COL4A3: variants seen among roughly 807,000 people sequenced by gnomAD.
COL4A3 encodes collagen type IV alpha 3 chain, also known as collagen alpha-3(IV) chain.
Under a neutral mutation model 217.4 loss-of-function variants are expected in COL4A3, and 135 were observed. The observed-to-expected ratio is 0.62, with a 90% CI of 0.54 to 0.72. COL4A3 has a LOEUF of 0.72. COL4A3 is among the 30% of genes least tolerant of loss of function. The pLI, the probability that COL4A3 is intolerant of heterozygous loss-of-function variation, is 0.00. For missense variants in COL4A3, 1,868 were observed against 2,119.9 expected (o/e 0.88, Z 2.33); for synonymous variants, 690 against 736.3 (o/e 0.94, Z 1.02).
chr2:227,254,086 A>G (rs1308602738), intron 13 of COL4A3, 26 bp from the exon 14 acceptor site: 1 of 1,605,374 alleles, frequency 6.2e-7, no homozygotes, highest in Middle Eastern at 1.7e-4. Context: ...TCCATTTGTA[A>G]CAATGTTGAA....
rs921905047 is a variant in COL4A3, at chr2:227,164,737, G to A, written c.11G>A (p.Arg4Gln). MSARTAPRPQVLLL... is the reference protein window; with the variant it reads MSAQTAPRPQVLLL... Reference sequence around the variant, plus strand: ...GAGCGCGCGCCCACCATGAGCGCCCGGACCGCCCCCAGGCCGCAGGTGCTC... The same window carrying A: ...GAGCGCGCGCCCACCATGAGCGCCCAGACCGCCCCCAGGCCGCAGGTGCTC... The change falls in exon 1 of 52, where the codon CGG becomes CAG. Residue 4 changes from arginine to glutamine, a missense_variant. By Grantham distance (43) the Arg-to-Gln change is conservative. Coordinates refer to ENST00000396578, the MANE Select transcript of COL4A3 (RefSeq NM_000091.5). The surrounding 1 kb of genome is among the most constrained non-coding windows in gnomAD (Gnocchi z 4.8). 1.5e-4 allele frequency: 222 copies of A among 1,529,812 alleles called. No individual in the cohort carries two copies. Among genetic ancestry groups the A allele is most frequent in the Non-Finnish European group, 1.8e-4 (201 of 1,145,026 alleles). 94.8% of individuals were successfully genotyped at this position (1,529,812 alleles called of 1,614,324 possible).
chr2:227,235,892 G>A (rs2068667624), intron 1 of COL4A3, among the ~76,000 whole-genome samples: 1 of 149,986 alleles, frequency 6.7e-6, no homozygotes, highest in Non-Finnish European at 1.5e-5. Context: ...ACCTGCCTCA[G>A]CTTCCCGAGT....
Position 227,279,908 on chromosome 2 carries a change from C to T in COL4A3, c.2223+18C>T. 1 of 1,576,854 alleles carries T rather than the reference C, an allele frequency of 6.3e-7. No homozygotes were observed. The highest frequency in any genetic ancestry group is 8.7e-7 in the Non-Finnish European group (1 of 1,155,484). ...GAGCCAAGGTATGCAAAAATTCAAG[C>T]TATCACAGAAGAGAGGGTGGGTGAC... On this transcript the variant is annotated intron_variant, in intron 29 of 51. Coordinates refer to ENST00000396578, the MANE Select transcript of COL4A3 (RefSeq NM_000091.5).
Position 227,259,882 on chromosome 2 carries a change from G to C in COL4A3, c.1114+5G>C, listed in dbSNP as rs1469092382. The C allele has an allele frequency of 6.2e-7, 1 of 1,608,060 alleles. No homozygotes were observed. Among genetic ancestry groups the C allele is most frequent in the South Asian group, 1.1e-5 (1 of 90,964 alleles). The stretch of plus-strand genomic sequence containing the variant: ...GAGGAGCTCGTGGCCCACAAGGTAA[G>C]AATAAATTTCTTCCTAAAGCATTTG... On this transcript the variant is annotated splice_donor_5th_base_variant and intron_variant, in intron 19 of 51. Transcript: ENST00000396578.
At chr2:227,229,383 G>C (rs1348426844) in intron 1 of COL4A3, among the ~76,000 whole-genome samples, 2 of 152,224 alleles carry the variant, frequency 1.3e-5, no homozygotes, top group Non-Finnish European at 2.9e-5. Flanking sequence ...AATATAGTCA[G>C]TGTACTCTAA....
In COL4A3 at chr2:227,297,853, A is replaced by C. The variant is rs1574823646; in HGVS notation, c.3745A>C (p.Ser1249Arg). The change falls in exon 42 of 52, where the codon AGC becomes CGC. Residue 1249 changes from serine (S) to arginine (R), a missense_variant. Physicochemically the swap from Ser to Arg is moderately radical, Grantham distance 110. Transcript: ENST00000396578. ...GNRGPPGSRG[S>R]PGAPGPPGPP... ...TCGTGGTCCACCAGGCTCAAGAGGA[A>C]GCCCAGGTAAAGGGTTTACTTTTAA... The C allele has an allele frequency of 1.3e-6, 2 of 1,557,176 alleles. No homozygotes were observed. Among genetic ancestry groups the C allele is most frequent in the East Asian group, 4.8e-5 (2 of 41,748 alleles).
chr2:227,311,029 G>T (rs1574844997), intron 51 of COL4A3, 81 bp downstream of exon 51: 13 of 1,492,902 alleles, frequency 8.7e-6, no homozygotes, highest in Non-Finnish European at 9.3e-7. Context: ...GGGTCAACGA[G>T]TAGCCATGAT....
At position 227,282,028 on chromosome 2, in the gene COL4A3, A is replaced by C. The variant is rs1020774723; in HGVS notation, c.2489-337A>C. Reference sequence around the variant, plus strand: ...GGCTCATGCCTGTAATCCCAGCACTATGGGAGGCCGAGGTGGGCGGATCAT... The same window carrying C: ...GGCTCATGCCTGTAATCCCAGCACTCTGGGAGGCCGAGGTGGGCGGATCAT... On this transcript the variant is annotated intron_variant, in intron 31 of 51. Transcript: ENST00000396578. This position sits in a 1 kb window ranked among gnomAD's most constrained non-coding sequence, Gnocchi z 4.4. Among the ~76,000 whole-genome samples, 2 of 152,092 alleles carry C rather than the reference A, an allele frequency of 1.3e-5. No homozygotes were observed. The highest frequency in any genetic ancestry group is 2.9e-5 in the Non-Finnish European group (2 of 68,012).
chr2:227,222,070 C>T (rs2067818213), intron 1 of COL4A3, among the ~76,000 whole-genome samples: 1 of 150,536 alleles, frequency 6.6e-6, no homozygotes, highest in Admixed American at 6.6e-5. Flanking sequence ...GGGAGGATTG[C>T]TTGAGCCCAG....
Position 227,250,380 on chromosome 2 carries a change from A to G in COL4A3, c.547-760A>G, listed in dbSNP as rs930833405. On this transcript the variant is annotated intron_variant, in intron 9 of 51. Transcript: ENST00000396578. This position sits in a 1 kb window ranked among gnomAD's most constrained non-coding sequence, Gnocchi z 4.1. ...GATAGATAGATAGATAGATAGATAG[A>G]TAGATATTTAAAAATTGTATGAACC... Among the ~76,000 whole-genome samples, 12 of 139,390 alleles carry G rather than the reference A, an allele frequency of 8.6e-5. No individual in the cohort carries two copies. Among genetic ancestry groups the G allele is most frequent in the African/African-American group, 3.1e-4 (12 of 39,224 alleles). The allele number at this position is 139,390 out of a possible 152,430, so 91.4% of individuals were successfully genotyped here.
intron 1 of COL4A3, among the ~76,000 whole-genome samples, chr2:227,209,427 G>A (rs1048312119): frequency 3.3e-5 from 5 of 152,130 alleles, no homozygotes; most frequent in Non-Finnish European, 5.9e-5. Context: ...CTTCCCCAAC[G>A]GATTCCTTGT....
chr2:227,247,220 G>A (rs552840601), intron 7 of COL4A3, among the ~76,000 whole-genome samples: 106 of 152,316 alleles, frequency 7.0e-4, no homozygotes, highest in African/African-American at 2.5e-3. Context: ...GCAAAGTCCA[G>A]TCAGAGGAGT....
chr2:227,251,120 A>C lies in COL4A3; in HGVS notation c.547-20A>C, dbSNP rs772096683. ...GAGAAGTAAATTTAAACTTACTCTT[A>C]TTCTTCTCTCAATTTCAAGGGTTTG... On this transcript the variant is annotated intron_variant, in intron 9 of 51. Transcript: ENST00000396578. 1 of 1,585,744 alleles carries C rather than the reference A, an allele frequency of 6.3e-7. No individual in the cohort carries two copies. Among genetic ancestry groups the C allele is most frequent in the South Asian group, 1.1e-5 (1 of 90,474 alleles).
intron 1 of COL4A3, among the ~76,000 whole-genome samples, chr2:227,223,318 A>G (rs2067912278): frequency 6.6e-6 from 1 of 152,264 alleles, no homozygotes; most frequent in Non-Finnish European, 1.5e-5. Context: ...TTGGAATATC[A>G]TGAAACTATA....
intron 1 of COL4A3, among the ~76,000 whole-genome samples, chr2:227,230,698 A>C (rs1299941295): frequency 1.3e-5 from 2 of 152,202 alleles, no homozygotes; most frequent in Non-Finnish European, 2.9e-5. Context: ...TGAATTTTTG[A>C]ATTACTGAAA....
At chr2:227,204,901 C>T (rs2067041041) in intron 1 of COL4A3, among the ~76,000 whole-genome samples, 2 of 152,172 alleles carry the variant, frequency 1.3e-5, no homozygotes, top group African/African-American at 4.8e-5. Context: ...TGACTAATGA[C>T]TGGTCATATG....
At chr2:227,187,434 G>A (rs1443281228) in intron 1 of COL4A3, among the ~76,000 whole-genome samples, 4 of 152,172 alleles carry the variant, frequency 2.6e-5, no homozygotes, top group Non-Finnish European at 5.9e-5. Context: ...GGGATGAGCT[G>A]TGTATGATCC....
intron 15 of COL4A3, among the ~76,000 whole-genome samples, chr2:227,255,714 T>TG (rs530965931): frequency 2.8e-3 from 424 of 149,822 alleles, no homozygotes; most frequent in South Asian, 7.2e-3. Flanking sequence ...TGTGTGTGTG[T>TG]TTTTTTTTTC....
At chr2:227,295,203 T>G in intron 40 of COL4A3, 66 bp from the exon 41 acceptor site, 1 of 1,570,162 alleles carries the variant, frequency 6.4e-7, no homozygotes, top group Non-Finnish European at 8.8e-7. Flanking sequence ...GTACTAAACT[T>G]TTCTCATAGA....
Sources: gnomAD v4.1 joint callset for allele counts (sites outside exome capture counted in the v4.1 genomes callset) on GRCh38, gnomAD v4.1.1 for gene constraint, Gnocchi (gnomAD v3.1) non-coding constraint, MANE v1.5 for transcripts, NCBI Gene and HGNC (gene_info 2026-07-23, HGNC 2026-07-21) for gene names.